CNTN4: variants seen among roughly 807,000 people sequenced by gnomAD.
CNTN4 encodes the protein contactin 4.
In CNTN4, 77 loss-of-function variants were observed where a neutral mutation model predicts 122.5. The ratio of observed to expected loss-of-function variants is 0.63; its 90% CI spans 0.52 to 0.76. The LOEUF is 0.76. Ranked by LOEUF, CNTN4 falls within the 30% of genes least tolerant of loss-of-function variation. The probability of loss-of-function intolerance (pLI) is 0.00; values close to 1 mark genes in which losing one functional copy is unlikely to be tolerated. For missense variants in CNTN4, 1,256 were observed against 1,259.1 expected (o/e 1.00, Z 0.04); for synonymous variants, 512 against 447.0 (o/e 1.15, Z -1.83).
At chr3:2,372,382 A>G (rs1047573603) in intron 3 of CNTN4, among the ~76,000 whole-genome samples, 1 of 152,260 alleles carries the variant, frequency 6.6e-6, no homozygotes, top group Non-Finnish European at 1.5e-5. Context: ...GCAATAAAAT[A>G]TAAATATGTT....
At chr3:2,777,865 T>G (rs1433593344) in intron 6 of CNTN4, among the ~76,000 whole-genome samples, 1 of 152,196 alleles carries the variant, frequency 6.6e-6, no homozygotes, top group Non-Finnish European at 1.5e-5. Context: ...TATTACTATG[T>G]CTTTGTATTA....
At chr3:2,178,591 G>T (rs986101081) in intron 2 of CNTN4, among the ~76,000 whole-genome samples, 1 of 152,070 alleles carries the variant, frequency 6.6e-6, no homozygotes, top group Non-Finnish European at 1.5e-5. Flanking sequence ...TGACAATGTA[G>T]TAAAATAGTA....
intron 4 of CNTN4, among the ~76,000 whole-genome samples, chr3:2,686,335 T>G (rs1559386870): frequency 6.6e-6 from 1 of 152,082 alleles, no homozygotes; most frequent in Non-Finnish European, 1.5e-5. Context: ...GCCCAGTGCT[T>G]CTAACAGTAT....
intron 2 of CNTN4, among the ~76,000 whole-genome samples, chr3:2,127,095 G>T (rs1278713177): frequency 6.6e-6 from 1 of 152,118 alleles, no homozygotes; most frequent in African/African-American, 2.4e-5. Flanking sequence ...CTTTCTCAAT[G>T]AATTGCTAGC....
chr3:2,127,848 C>T (rs1427117127), intron 2 of CNTN4, among the ~76,000 whole-genome samples: 4 of 152,292 alleles, frequency 2.6e-5, no homozygotes, highest in East Asian at 3.9e-4. Flanking sequence ...AGATTGCAAG[C>T]TCCACTGGTG....
intron 2 of CNTN4, among the ~76,000 whole-genome samples, chr3:2,334,293 G>A (rs964396885): frequency 1.3e-5 from 2 of 152,128 alleles, no homozygotes; most frequent in African/African-American, 4.8e-5. Context: ...AAGTAGCTGG[G>A]ATTGCAGGTG....
chr3:3,053,576 C>G (rs1343902708), intron 23 of CNTN4, among the ~76,000 whole-genome samples: 1 of 152,182 alleles, frequency 6.6e-6, no homozygotes, highest in Admixed American at 6.5e-5. Context: ...TAGGTAGAAT[C>G]ACGTTGCTGA....
At chr3:2,409,527 G>A (rs972295389) in intron 3 of CNTN4, among the ~76,000 whole-genome samples, 5 of 152,022 alleles carry the variant, frequency 3.3e-5, no homozygotes, top group African/African-American at 9.7e-5. Flanking sequence ...GATTACAGGC[G>A]TGAGCCACTG....
chr3:2,800,968 C>T (rs1328896135), intron 6 of CNTN4, among the ~76,000 whole-genome samples: 1 of 152,322 alleles, frequency 6.6e-6, no homozygotes, highest in South Asian at 2.1e-4. Flanking sequence ...TTATAGCCTT[C>T]CTTCCTACTC....
chr3:2,349,293 C>T (rs905863250), intron 3 of CNTN4, among the ~76,000 whole-genome samples: 2 of 151,822 alleles, frequency 1.3e-5, no homozygotes, highest in African/African-American at 4.8e-5. Flanking sequence ...CTGCCTTTTA[C>T]ATAAGTAAAT....
At chr3:2,270,722 G>A (rs1227009825) in intron 2 of CNTN4, among the ~76,000 whole-genome samples, 1 of 123,640 alleles carries the variant, frequency 8.1e-6, no homozygotes, top group East Asian at 2.1e-4. Context: ...AGGCTAGTGT[G>A]ACAGAAAATG....
chr3:2,971,892 CACATTTTCGGAA>C (rs1692959633), intron 13 of CNTN4, among the ~76,000 whole-genome samples: 1 of 152,120 alleles, frequency 6.6e-6, no homozygotes, highest in South Asian at 2.1e-4. Flanking sequence ...CTCTCATAGC[CACATTTTCGGAA>C]GTGCACTTTA....
intron 2 of CNTN4, among the ~76,000 whole-genome samples, chr3:2,103,660 C>CATCCTCCAAGAA (rs1216107471): frequency 6.6e-6 from 1 of 152,170 alleles, no homozygotes; most frequent in African/African-American, 2.4e-5. Flanking sequence ...TCAATATCCC[C>CATCCTCCAAGAA]ATCCTCCAAG....
At chr3:2,150,839 G>T (rs895403362) in intron 2 of CNTN4, among the ~76,000 whole-genome samples, 6 of 152,110 alleles carry the variant, frequency 3.9e-5, no homozygotes, top group Admixed American at 1.3e-4. Flanking sequence ...CTTAAAGCTT[G>T]CCCTCCCTTC....
At chr3:2,686,547 A>G (rs1349965612) in intron 4 of CNTN4, among the ~76,000 whole-genome samples, 1 of 142,840 alleles carries the variant, frequency 7.0e-6, no homozygotes, top group African/African-American at 3.1e-5. Flanking sequence ...TAATTAACAT[A>G]TAAAATTGTT....
chr3:2,854,492 C>T (rs1280553633), intron 7 of CNTN4, among the ~76,000 whole-genome samples: 1 of 151,816 alleles, frequency 6.6e-6, no homozygotes, highest in Admixed American at 6.6e-5. Context: ...GGGCTGGTCT[C>T]GATCTCCTGA....
At chr3:2,518,010 C>G (rs1559628281) in intron 3 of CNTN4, among the ~76,000 whole-genome samples, 1 of 152,134 alleles carries the variant, frequency 6.6e-6, no homozygotes, top group Non-Finnish European at 1.5e-5. Flanking sequence ...CTAGAGTCCC[C>G]CTCCCCTACC....
At chr3:2,783,037 G>T (rs1576776553) in intron 6 of CNTN4, among the ~76,000 whole-genome samples, 1 of 152,314 alleles carries the variant, frequency 6.6e-6, no homozygotes. Context: ...ACAGCACTTT[G>T]GGAGGCAGAC....
intron 2 of CNTN4, among the ~76,000 whole-genome samples, chr3:2,119,958 GC>G (rs931418271): frequency 6.6e-6 from 1 of 152,100 alleles, no homozygotes; most frequent in Non-Finnish European, 1.5e-5. Context: ...AGTGTAGGTG[GC>G]AGAGTCAAGA....
Sources: allele counts gnomAD v4.1 joint callset (sites outside exome capture counted in the v4.1 genomes callset), GRCh38; gene constraint gnomAD v4.1.1; transcripts MANE v1.5; gene names NCBI Gene and HGNC (gene_info 2026-07-23, HGNC 2026-07-21).